Variants in PRSS33 observed in about 807,000 individuals in gnomAD.
PRSS33 encodes serine protease 33.
In PRSS33, 32 loss-of-function variants were observed where a neutral mutation model predicts 26.7. That is an observed-to-expected ratio of 1.20 (90% CI 0.90 to 1.61). The LOEUF is 1.61. PRSS33 is among the 40% of genes most tolerant of loss of function. The pLI is 0.00. For synonymous variants in PRSS33, 192 were observed against 177.6 expected (o/e 1.08, Z -0.64); for missense variants, 450 against 396.3 (o/e 1.14, Z -1.15).
At position 2,785,954 on chromosome 16, in the gene PRSS33, C is replaced by A; in HGVS notation, c.87G>T (p.Gly29=). 1 of 1,612,730 alleles carries A rather than the reference C, an allele frequency of 6.2e-7. No individual in the cohort carries two copies. Among genetic ancestry groups the A allele is most frequent in the East Asian group, 2.2e-5 (1 of 44,874 alleles). The change falls in exon 4 of 7, where the codon GGG becomes GGT. Residue 29 remains glycine, a synonymous_variant. Transcript: ENST00000682474. The part of the protein sequence containing the change: ...GTQGRKSAAC[G]QPRMSSRIVG... ...CGATCCGACTGGACATGCGGGGCTG[C>A]CCGCAGGCTAGAAAAGGACCAGGGG...
rs1433166828 is a variant in PRSS33 at position 2,785,457 on chromosome 16, G to T, written c.432C>A (p.Pro144=). ...GGGCGCCGGGCACGGGCAGGCAGAC[G>T]GGTTGGACGCGAGCGCTCAGGGGCA... ...RPVPLSARVQ[P]VCLPVPGARP... Residue 144 remains proline, a synonymous_variant, in exon 5 of 7, where the codon CCC becomes CCA. Coordinates refer to ENST00000682474, the MANE Select transcript of PRSS33 (RefSeq NM_152891.3). 4 of 1,503,604 alleles carry T rather than the reference G, an allele frequency of 2.7e-6. No homozygotes were observed. Among genetic ancestry groups the T allele is most frequent in the East Asian group, 2.6e-5 (1 of 38,024 alleles). 93.1% of individuals were successfully genotyped at this position (1,503,604 alleles called of 1,614,324 possible).
At chr16:2,785,729 G>A (rs935234016) in intron 4 of PRSS33, 70 bp downstream of exon 4, 4 of 1,488,700 alleles carry the variant, frequency 2.7e-6, no homozygotes, top group Non-Finnish European at 3.5e-6. Context: ...GCCTCTGCCA[G>A]GCCACGCCCG....
At chr16:2,786,669 G>A (rs1004140841) in intron 1 of PRSS33, 65 bp from the exon 2 acceptor site, 27 of 1,086,076 alleles carry the variant, frequency 2.5e-5, no homozygotes, top group Admixed American at 1.5e-4. Context: ...ACACCAGCCC[G>A]TCACCCCCTC....
rs761133701 is a variant in PRSS33 at position 2,785,694 on chromosome 16, C to G, written c.243-48G>C. The G allele has an allele frequency of 2.7e-6, 4 of 1,465,444 alleles. No individual in the cohort carries two copies. In the South Asian group the frequency reaches 5.4e-5, roughly 20 times the overall value. 90.8% of individuals were successfully genotyped at this position (1,465,444 alleles called of 1,614,324 possible). ...TACTTCCAGCACCGGGTCCTCGACC[C>G]CCTCCAGCCCGCCTCGACCCCAACG... On this transcript the variant is annotated intron_variant, in intron 4 of 6. Coordinates refer to ENST00000682474, the MANE Select transcript of PRSS33 (RefSeq NM_152891.3).
At chr16:2,786,879 C>A in intron 1 of PRSS33, 1 of 183,318 alleles carries the variant, frequency 5.5e-6, no homozygotes, top group East Asian at 1.7e-4. Flanking sequence ...CCCCCTCCCC[C>A]ATCCTCACCC....
At position 2,785,605 on chromosome 16, in the gene PRSS33, A is replaced by G; in HGVS notation, c.284T>C (p.Leu95Pro). 6.6e-7 allele frequency: 1 copy of G among 1,511,068 alleles called. No homozygotes were observed. The allele number at this position is 1,511,068 out of a possible 1,614,324, so 93.6% of individuals were successfully genotyped here. Residue 95 changes from leucine to proline, a missense_variant, in exon 5 of 7, where the codon CTG becomes CCG. Transcript: ENST00000682474. ...GCGGGGCGAGGTGGAGCCCAGACGC[A>G]GCGCCCCCAGGCGCACGCGGTACTC... ...PAEYRVRLGA[L>P]RLGSTSPRTL...
In PRSS33 at chr16:2,786,104, C is replaced by T; in HGVS notation, c.64G>A (p.Gly22Arg). 1.2e-6 allele frequency: 2 copies of T among 1,613,634 alleles called. No individual in the cohort carries two copies. The highest frequency in any genetic ancestry group is 8.5e-7 in the Non-Finnish European group (1 of 1,179,874). The change falls in exon 3 of 7, where the codon GGA (glycine) becomes AGA (arginine). Residue 22 changes from glycine (G) to arginine (R), a missense_variant. Transcript: ENST00000682474. ...LLVLGAAGTQ[G>R]RKSAACGQPR... Reference sequence around the variant, plus strand: ...GCTTCCTCACCTGCAGACTTCCTTCCCTGAGTCCCAGCAGCTCCTGGAGGA... The same window carrying T: ...GCTTCCTCACCTGCAGACTTCCTTCTCTGAGTCCCAGCAGCTCCTGGAGGA...
At chr16:2,786,477 A>T (rs767535726) in intron 2 of PRSS33, 25 bp downstream of exon 2, 45 of 1,612,470 alleles carry the variant, frequency 2.8e-5, no homozygotes, top group Non-Finnish European at 3.8e-5. Context: ...TGCGGCCCTC[A>T]CCCCCAGTCC....
intron 5 of PRSS33, 88 bp from the exon 6 acceptor site, chr16:2,785,259 T>G: frequency 1.4e-6 from 2 of 1,446,124 alleles, no homozygotes; most frequent in East Asian, 4.9e-5. Context: ...GAGGTTTTGT[T>G]CCCTAGAAGC....
chr16:2,786,602 G>A lies in PRSS33; in HGVS notation c.-55C>T. ...TGGCACTGCCTAGGGCTTGGACTCT[G>A]GTCTGGAGCCAGCAGGGAGAAGAGA... is the stretch of plus-strand genomic sequence containing the variant. On this transcript the variant is annotated splice_region_variant and 5_prime_UTR_variant, in exon 2 of 7. Transcript: ENST00000682474. 6.2e-7 allele frequency: 1 copy of A among 1,601,702 alleles called. No homozygotes were observed. The highest frequency in any genetic ancestry group is 1.7e-4 in the Middle Eastern group (1 of 5,916).
rs1392210637 is a variant in PRSS33, at chr16:2,785,616, G to A, written c.273C>T (p.Arg91=). ...RRALPAEYRV[R]LGALRLGSTS... is the part of the protein sequence containing the mutation. ...TGGAGCCCAGACGCAGCGCCCCCAG[G>A]CGCACGCGGTACTCAGCTGGCAGTG... Residue 91 remains arginine, a synonymous_variant, in exon 5 of 7, where the codon CGC becomes CGT. Coordinates refer to ENST00000682474, the MANE Select transcript of PRSS33 (RefSeq NM_152891.3). The A allele has an allele frequency of 2.7e-6, 4 of 1,506,482 alleles. No homozygotes were observed. The African/African-American group carries it at 4.2e-5, about 16-fold the overall frequency. 93.3% of individuals were successfully genotyped at this position (1,506,482 alleles called of 1,614,324 possible). A position where few individuals can be genotyped will look rare whatever the true frequency, so the allele number is the denominator to read the frequency against.
At position 2,784,516 on chromosome 16, in the gene PRSS33, G is replaced by C; in HGVS notation, c.*128C>G. 1 of 793,270 alleles carries C rather than the reference G, an allele frequency of 1.3e-6. No homozygotes were observed. The highest frequency in any genetic ancestry group is 1.9e-6 in the Non-Finnish European group (1 of 514,618). The allele number at this position is 793,270 out of a possible 1,614,324, so 49.1% of individuals were successfully genotyped here. On this transcript the variant is annotated 3_prime_UTR_variant, in exon 7 of 7. Transcript: ENST00000682474. ...GGAGGTGGTGGGTGGGGGGTGGGGT[G>C]GCCTTTAGCTTTTTTAGGCATCTTG...
Position 2,784,400 on chromosome 16 carries a change from T to G in PRSS33, c.*244A>C. The stretch of plus-strand genomic sequence containing the variant: ...AAGTAAATACAAGCCAGGAAGGGAG[T>G]GGGGAGTGTGACTCCCTGGGACTCA... On this transcript the variant is annotated 3_prime_UTR_variant, in exon 7 of 7. Transcript: ENST00000682474. The G allele has an allele frequency of 7.9e-6, 3 of 377,842 alleles. No homozygotes were observed. Among genetic ancestry groups the G allele is most frequent in the Non-Finnish European group, 1.4e-5 (3 of 208,378 alleles). The allele number at this position is 377,842 out of a possible 1,614,324, so 23.4% of individuals were successfully genotyped here.
rs2068877645 is a variant in PRSS33 at position 2,786,651 on chromosome 16, C to T, written c.-57-47G>A. The T allele has an allele frequency of 2.3e-5, 30 of 1,292,276 alleles. No homozygotes were observed. The South Asian group carries it at 3.6e-4, about 15-fold the overall frequency. 80.1% of individuals were successfully genotyped at this position (1,292,276 alleles called of 1,614,324 possible). ...GAGGAGAGTCCTGGCCCAGGGGCACCAATCCTCACACCAGCCCGTCACCCC... is the reference window on the plus strand; with the variant it reads ...GAGGAGAGTCCTGGCCCAGGGGCACTAATCCTCACACCAGCCCGTCACCCC... On this transcript the variant is annotated intron_variant, in intron 1 of 6. Transcript: ENST00000682474.
chr16:2,785,175 G>A lies in PRSS33; in HGVS notation c.515-4C>T. The A allele has an allele frequency of 2.6e-6, 4 of 1,535,914 alleles. No homozygotes were observed. Among genetic ancestry groups the A allele is most frequent in the Non-Finnish European group, 3.5e-6 (4 of 1,144,504 alleles). ...GGTCGCCACTCTGGGAGGGGCACTG[G>A]GGGAAGAGGAGGGACCTCTGAGAGG... On this transcript the variant is annotated splice_region_variant and splice_polypyrimidine_tract_variant and intron_variant, in intron 5 of 6. Transcript: ENST00000682474.
In PRSS33 at chr16:2,784,584, A is replaced by G; in HGVS notation, c.*60T>C. 1 of 1,486,432 alleles carries G rather than the reference A, an allele frequency of 6.7e-7. No individual in the cohort carries two copies. 92.1% of individuals were successfully genotyped at this position (1,486,432 alleles called of 1,614,324 possible). ...ATGTGGGGTATAGGCAGGTGCCTGGATGAACCAGGAGGCTGAGGGACCCCA... is the reference window on the plus strand; with the variant it reads ...ATGTGGGGTATAGGCAGGTGCCTGGGTGAACCAGGAGGCTGAGGGACCCCA... On this transcript the variant is annotated 3_prime_UTR_variant, in exon 7 of 7. Coordinates refer to ENST00000682474, the MANE Select transcript of PRSS33 (RefSeq NM_152891.3).
Position 2,784,600 on chromosome 16 carries a change from A to AG in PRSS33, c.*43dup. Reference sequence around the variant, plus strand: ...GGTGCCTGGATGAACCAGGAGGCTGAGGGACCCCAGCAGCTGGCTCCAGGT... The same window carrying AG: ...GGTGCCTGGATGAACCAGGAGGCTGAGGGGACCCCAGCAGCTGGCTCCAGGT... On this transcript the variant is annotated 3_prime_UTR_variant, in exon 7 of 7. Coordinates refer to ENST00000682474, the MANE Select transcript of PRSS33 (RefSeq NM_152891.3). 1 of 1,522,218 alleles carries AG rather than the reference A, an allele frequency of 6.6e-7. No homozygotes were observed. The highest frequency in any genetic ancestry group is 8.9e-7 in the Non-Finnish European group (1 of 1,128,292). 94.3% of individuals were successfully genotyped at this position (1,522,218 alleles called of 1,614,324 possible).
chr16:2,785,484 C>G lies in PRSS33; in HGVS notation c.405G>C (p.Pro135=). Residue 135 remains proline, a synonymous_variant, in exon 5 of 7, where the codon CCG becomes CCC. Coordinates refer to ENST00000682474, the MANE Select transcript of PRSS33 (RefSeq NM_152891.3). ...GTTGGACGCGAGCGCTCAGGGGCAC[C>G]GGGCGACGCAGCTGCAGCAGTGCCA... ...GDLALLQLRR[P]VPLSARVQPV... 6.6e-7 allele frequency: 1 copy of G among 1,517,172 alleles called. No homozygotes were observed. Among genetic ancestry groups the G allele is most frequent in the Non-Finnish European group, 8.8e-7 (1 of 1,140,812 alleles). The allele number at this position is 1,517,172 out of a possible 1,614,324, so 94.0% of individuals were successfully genotyped here. A position where few individuals can be genotyped will look rare whatever the true frequency, so the allele number is the denominator to read the frequency against.
At chr16:2,786,696 G>A in intron 1 of PRSS33, 92 bp from the exon 2 acceptor site, 1 of 823,534 alleles carries the variant, frequency 1.2e-6, no homozygotes. Context: ...CCTTCTGTCT[G>A]TCCTCAGCTC....
Sources: allele counts gnomAD v4.1 joint callset, GRCh38; gene constraint gnomAD v4.1.1; transcripts MANE v1.5; gene names NCBI Gene and HGNC (gene_info 2026-07-23, HGNC 2026-07-21).